The following ATRX variants were observed in gnomAD, a reference collection of about 807,000 sequenced individuals.
The protein encoded by ATRX is chromatin remodeler ATRX.
A neutral mutation model predicts 172.6 loss-of-function variants in ATRX; 12 were observed. The ratio of observed to expected loss-of-function variants is 0.07; its 90% CI spans 0.04 to 0.11. The LOEUF is 0.11. Ranked by LOEUF, ATRX falls within the 10% of genes least tolerant of loss-of-function variation. The pLI is 1.00. For synonymous variants in ATRX, 674 were observed against 594.7 expected (o/e 1.13, Z -1.94); for missense variants, 1,368 against 1,767.4 (o/e 0.77, Z 4.05).
chrX:77,648,624 GTTTT>G (rs137908641), intron 15 of ATRX, among the ~76,000 whole-genome samples: 2 of 91,248 alleles, frequency 2.2e-5, no homozygotes, highest in African/African-American at 4.0e-5. Context: ...CCAAAGCTGC[GTTTT>G]TTTTTTTTTT....
intron 30 of ATRX, among the ~76,000 whole-genome samples, chrX:77,544,458 G>GTAA (rs1557052355): frequency 2.7e-5 from 3 of 109,366 alleles, no homozygotes; most frequent in Non-Finnish European, 5.7e-5. Flanking sequence ...GCGTACATGT[G>GTAA]CACATTGTGC....
chrX:77,731,227 G>C (rs973418487), intron 1 of ATRX, among the ~76,000 whole-genome samples: 1 of 111,604 alleles, frequency 9.0e-6, no homozygotes. Flanking sequence ...TAATGAACTG[G>C]AAAACCTAGA....
chrX:77,642,702 ATAGAT>A (rs2148395154), intron 15 of ATRX, among the ~76,000 whole-genome samples: 1 of 111,440 alleles, frequency 9.0e-6, no homozygotes, highest in African/African-American at 3.3e-5. Context: ...CAACAAAACA[ATAGAT>A]TAGGAAGCTC....
At chrX:77,529,671 A>T (rs1030926560) in intron 30 of ATRX, among the ~76,000 whole-genome samples, 2 of 111,861 alleles carry the variant, frequency 1.8e-5, no homozygotes, top group Non-Finnish European at 3.8e-5. Context: ...CTAAATATGG[A>T]AAGAAAAAAC....
intron 21 of ATRX, among the ~76,000 whole-genome samples, chrX:77,617,167 T>C (rs1462420460): frequency 1.8e-5 from 2 of 112,109 alleles, no homozygotes; most frequent in Non-Finnish European, 3.8e-5. Context: ...AAAGATATGC[T>C]AATATGTCAA....
chrX:77,688,574 T>C (rs1207520153), intron 7 of ATRX, among the ~76,000 whole-genome samples: 11 of 111,623 alleles, frequency 9.9e-5, no homozygotes, highest in African/African-American at 3.6e-4. Context: ...ATATTTCACA[T>C]ACAGCTTTCC....
chrX:77,678,525 C>T (rs2071026101), intron 9 of ATRX, among the ~76,000 whole-genome samples: 2 of 112,117 alleles, frequency 1.8e-5, no homozygotes, highest in South Asian at 3.7e-4. Context: ...CTCGCTCTGT[C>T]GCCCAGGCTC....
At chrX:77,610,123 C>T in intron 22 of ATRX, among the ~76,000 whole-genome samples, 1 of 111,535 alleles carries the variant, frequency 9.0e-6, no homozygotes, top group Middle Eastern at 4.6e-3. Context: ...CTACTATGTA[C>T]CCACAAAACT....
chrX:77,575,166 A>G (rs1177043364), intron 27 of ATRX, among the ~76,000 whole-genome samples: 2 of 110,685 alleles, frequency 1.8e-5, no homozygotes, highest in African/African-American at 6.5e-5. Context: ...CATGCCCCAG[A>G]GCCTTAAAAT....
chrX:77,662,634 G>A, intron 12 of ATRX, among the ~76,000 whole-genome samples: 1 of 111,690 alleles, frequency 9.0e-6, no homozygotes, highest in East Asian at 2.8e-4. Context: ...TGTTGCCAGT[G>A]TACTGACATT....
rs781871184 is a variant in ATRX, at chrX:77,696,570, A to C, written c.370+7T>G. 5.0e-6 allele frequency: 6 copies of C among 1,202,951 alleles called. No homozygotes were observed. Among genetic ancestry groups the C allele is most frequent in the Non-Finnish European group, 6.7e-6 (6 of 889,731 alleles). The stretch of plus-strand genomic sequence containing the variant: ...CTTTAACTTCATGAAAAATTAACAC[A>C]CATTACCTTTTGGCAAGCTCTGCAT... On this transcript the variant is annotated splice_region_variant and intron_variant, in intron 5 of 34. Coordinates refer to ENST00000373344, the MANE Select transcript of ATRX (RefSeq NM_000489.6).
chrX:77,682,623 T>G lies in ATRX; in HGVS notation c.2633A>C (p.Asp878Ala), dbSNP rs2071285505. 3.3e-6 allele frequency: 4 copies of G among 1,210,422 alleles called. No individual in the cohort carries two copies. Among genetic ancestry groups the G allele is most frequent in the Non-Finnish European group, 4.5e-6 (4 of 895,402 alleles). Reference protein sequence around the residue: ...LKTSQEGSSDDAERKQERETF... With the variant: ...LKTSQEGSSDAAERKQERETF... ...CTCTCTCTCTTGTTTTCTTTCAGCATCATCAGATGATCCTTCTTGTGAGGT... is the reference window on the plus strand; with the variant it reads ...CTCTCTCTCTTGTTTTCTTTCAGCAGCATCAGATGATCCTTCTTGTGAGGT... Residue 878 changes from aspartate (D) to alanine (A), a missense_variant, in exon 9 of 35, where the codon GAT (aspartate) becomes GCT (alanine). This residue lies in a region of ATRX where 843 missense variants were observed against 643.1 expected (regional missense o/e 1.31). Transcript: ENST00000373344.
In ATRX at chrX:77,560,748, AAAAT is replaced by A. The variant is rs1167625809; in HGVS notation, c.6327-1906_6327-1903del. 1.2e-4 allele frequency among the ~76,000 whole-genome samples: 13 copies of A among 111,700 alleles called. No homozygotes were observed. In the East Asian group the frequency reaches 3.1e-3, roughly 26 times the overall value. ...ATATACTAAAGAAAAATCCTGGTAT[AAAAT>A]AAATAGAGATACTAAATTCATGTTT... On this transcript the variant is annotated intron_variant, in intron 28 of 34. Transcript: ENST00000373344.
chrX:77,699,918 A>G (rs1158242820), intron 2 of ATRX, among the ~76,000 whole-genome samples: 1 of 112,297 alleles, frequency 8.9e-6, no homozygotes, highest in Non-Finnish European at 1.9e-5. Context: ...AACATTTCCC[A>G]ACTCATTTTA....
chrX:77,520,663 A>G, intron 34 of ATRX, 125 bp downstream of exon 34: 1 of 749,608 alleles, frequency 1.3e-6, no homozygotes, highest in South Asian at 3.4e-5. Flanking sequence ...TTTCTTCCAG[A>G]ATTATCAATG....
Position 77,579,511 on chromosome X carries a change from G to C in ATRX, c.6218-5153C>G, listed in dbSNP as rs782647323. 6.5e-5 allele frequency among the ~76,000 whole-genome samples: 7 copies of C among 108,521 alleles called. No individual in the cohort carries two copies. In the South Asian group the frequency reaches 2.9e-3, roughly 44 times the overall value. The allele number at this position is 108,521 out of a possible 115,157, so 94.2% of individuals were successfully genotyped here. On this transcript the variant is annotated intron_variant, in intron 27 of 34. Coordinates refer to ENST00000373344, the MANE Select transcript of ATRX (RefSeq NM_000489.6). ...AGAACAAGATTCTCCATCTGGTAAT[G>C]CAGACAATTCTTTTGGATCTTATAC...
chrX:77,594,441 A>G (rs1329813642), intron 25 of ATRX: 1 of 112,559 alleles, frequency 8.9e-6, no homozygotes, highest in African/African-American at 3.2e-5. Flanking sequence ...TGGAAGGAGA[A>G]AGTAGCATAA....
intron 28 of ATRX, among the ~76,000 whole-genome samples, chrX:77,564,523 C>T (rs1190414915): frequency 9.0e-6 from 1 of 110,540 alleles, no homozygotes; most frequent in African/African-American, 3.3e-5. Flanking sequence ...GTAGCTGGGA[C>T]TCCAGAAATG....
intron 1 of ATRX, among the ~76,000 whole-genome samples, chrX:77,733,932 G>A (rs782610054): frequency 1.8e-5 from 2 of 108,759 alleles, no homozygotes; most frequent in African/African-American, 3.4e-5. Flanking sequence ...GGCCAGGCAC[G>A]CTGGCTCACA....
Sources: gnomAD v4.1 joint callset for allele counts (sites outside exome capture counted in the v4.1 genomes callset) on GRCh38, gnomAD v4.1.1 for gene constraint, gnomAD v4.1.1 regional missense constraint, MANE v1.5 for transcripts, NCBI Gene and HGNC (gene_info 2026-07-23, HGNC 2026-07-21) for gene names.